The following IMMP2L variants were observed in gnomAD, a reference collection of about 807,000 sequenced individuals.
IMMP2L encodes the protein mitochondrial inner membrane protease subunit 2.
In IMMP2L, 18 loss-of-function variants were observed where a neutral mutation model predicts 19.3. The observed-to-expected ratio is 0.93, with a 90% CI of 0.64 to 1.38. The LOEUF (loss-of-function observed/expected upper bound fraction) is 1.38, where lower values mean the gene tolerates loss of function less well. IMMP2L is among the 40% of genes most tolerant of loss of function. The pLI is 0.00. For synonymous variants in IMMP2L, 76 were observed against 73.0 expected, an observed-to-expected ratio of 1.04 and a Z score of -0.21; for missense variants, 233 against 218.2, an observed-to-expected ratio of 1.07 and a Z score of -0.43.
intron 5 of IMMP2L, among the ~76,000 whole-genome samples, chr7:110,715,583 A>C (rs1016938230): frequency 6.6e-6 from 1 of 152,022 alleles, no homozygotes; most frequent in Non-Finnish European, 1.5e-5. Context: ...ATTTTGGGAG[A>C]TCTTCTTGGT....
chr7:111,407,419 G>A (rs1393335793), intron 3 of IMMP2L, among the ~76,000 whole-genome samples: 2 of 151,874 alleles, frequency 1.3e-5, no homozygotes, highest in African/African-American at 2.4e-5. Flanking sequence ...TCTAGCAAAT[G>A]GTGTGTGGAT....
intron 5 of IMMP2L, among the ~76,000 whole-genome samples, chr7:110,679,325 A>T (rs1792532817): frequency 6.6e-6 from 1 of 152,162 alleles, no homozygotes; most frequent in African/African-American, 2.4e-5. Flanking sequence ...ATACTTGAAT[A>T]TAATTTGGAT....
At chr7:111,377,991 G>A (rs775373824) in intron 3 of IMMP2L, among the ~76,000 whole-genome samples, 36 of 151,112 alleles carry the variant, frequency 2.4e-4, no homozygotes, top group Non-Finnish European at 4.1e-4. Flanking sequence ...AGGGGAATAC[G>A]GAGAATCCAT....
chr7:110,967,260 T>G (rs1819634357), intron 3 of IMMP2L, among the ~76,000 whole-genome samples: 1 of 151,962 alleles, frequency 6.6e-6, no homozygotes. Flanking sequence ...TAATTTCATG[T>G]TTTTTTATGT....
chr7:110,770,596 G>A (rs1528036), intron 5 of IMMP2L, among the ~76,000 whole-genome samples: 39,432 of 152,000 alleles, frequency 0.26, 5,296 homozygotes, highest in Middle Eastern at 0.33. Context: ...TGATGTTCCT[G>A]AAGTTATTTT....
chr7:111,496,611 C>G (rs1328198183), intron 2 of IMMP2L, among the ~76,000 whole-genome samples: 2 of 152,200 alleles, frequency 1.3e-5, no homozygotes, highest in African/African-American at 4.8e-5. Context: ...CTCGCTCTCT[C>G]TCTCCTGACG....
intron 3 of IMMP2L, among the ~76,000 whole-genome samples, chr7:111,274,174 T>C (rs1818774773): frequency 6.6e-6 from 1 of 152,094 alleles, no homozygotes; most frequent in Admixed American, 6.6e-5. Flanking sequence ...AAAATGTAAT[T>C]AGTGATAATA....
chr7:111,241,257 A>T (rs968363403), intron 3 of IMMP2L, among the ~76,000 whole-genome samples: 6 of 152,128 alleles, frequency 3.9e-5, no homozygotes, highest in African/African-American at 1.4e-4. Context: ...TTTGAGGAAT[A>T]TATAATATAA....
At chr7:111,477,824 G>A (rs1841845047) in intron 3 of IMMP2L, among the ~76,000 whole-genome samples, 1 of 152,126 alleles carries the variant, frequency 6.6e-6, no homozygotes, top group Non-Finnish European at 1.5e-5. Context: ...CTTGAACACT[G>A]GAGGTGGAGG....
At chr7:111,045,157 C>T (rs1279439428) in intron 3 of IMMP2L, among the ~76,000 whole-genome samples, 2 of 152,158 alleles carry the variant, frequency 1.3e-5, no homozygotes, top group East Asian at 1.9e-4. Flanking sequence ...ACAAAATTTG[C>T]GTCTCTGTAA....
intron 3 of IMMP2L, among the ~76,000 whole-genome samples, chr7:111,177,591 T>C (rs886984999): frequency 9.9e-5 from 15 of 152,188 alleles, no homozygotes; most frequent in Admixed American, 3.3e-4. Flanking sequence ...ACTGGAATAA[T>C]AGAATATAAA....
chr7:111,000,635 A>G (rs566749416), intron 3 of IMMP2L, among the ~76,000 whole-genome samples: 1 of 152,246 alleles, frequency 6.6e-6, no homozygotes, highest in East Asian at 1.9e-4. Context: ...TTTGAGGTCA[A>G]GAGTTCGAGA....
chr7:111,085,173 C>G lies in IMMP2L; in HGVS notation c.240-121608G>C, dbSNP rs10247851. On this transcript the variant is annotated intron_variant, in intron 3 of 5. Coordinates refer to ENST00000405709, the MANE Select transcript of IMMP2L (RefSeq NM_032549.4). ...GTCTCATTGATTCCTGACATGTCAT[C>G]CTTGATTGTGAATTTCTTGGCATAG... Among the ~76,000 whole-genome samples, 1,470 of 152,188 alleles carry G rather than the reference C, an allele frequency of 9.7e-3. 23 individuals carry two copies. Among genetic ancestry groups the G allele is most frequent in the African/African-American group, 0.033 (1,365 of 41,514 alleles).
At chr7:111,094,955 C>CT (rs1491509540) in intron 3 of IMMP2L, among the ~76,000 whole-genome samples, 1 of 152,034 alleles carries the variant, frequency 6.6e-6, no homozygotes, top group African/African-American at 2.4e-5. Context: ...ACAAGGAAGA[C>CT]TTAATGTCCA....
At chr7:110,695,692 C>A (rs188775047) in intron 5 of IMMP2L, among the ~76,000 whole-genome samples, 6 of 152,132 alleles carry the variant, frequency 3.9e-5, no homozygotes, top group Non-Finnish European at 5.9e-5. Context: ...ACAGCCCAAA[C>A]CTCAGGGCAG....
At chr7:110,842,259 C>T (rs1805166063) in intron 5 of IMMP2L, among the ~76,000 whole-genome samples, 1 of 152,074 alleles carries the variant, frequency 6.6e-6, no homozygotes. Context: ...GTTTATTTGT[C>T]TGAAATAGCA....
At chr7:111,102,714 A>G (rs943560422) in intron 3 of IMMP2L, among the ~76,000 whole-genome samples, 2 of 151,584 alleles carry the variant, frequency 1.3e-5, no homozygotes, top group African/African-American at 4.8e-5. Flanking sequence ...AGAATAATCC[A>G]GCTTCTTCGT....
chr7:111,398,715 C>T (rs1339783458), intron 3 of IMMP2L, among the ~76,000 whole-genome samples: 1 of 151,868 alleles, frequency 6.6e-6, no homozygotes, highest in Non-Finnish European at 1.5e-5. Context: ...TGATCATTTA[C>T]CTTGAAAACC....
intron 5 of IMMP2L, among the ~76,000 whole-genome samples, chr7:110,719,134 T>C (rs1217710549): frequency 6.6e-6 from 1 of 152,102 alleles, no homozygotes; most frequent in Admixed American, 6.5e-5. Flanking sequence ...GGTGAGAGAT[T>C]CAAAACAAAG....
Sources: allele counts gnomAD v4.1 joint callset (sites outside exome capture counted in the v4.1 genomes callset), GRCh38; gene constraint gnomAD v4.1.1; transcripts MANE v1.5; gene names NCBI Gene and HGNC (gene_info 2026-07-23, HGNC 2026-07-21).